The following ELOVL2 variants were observed in gnomAD, a reference collection of about 807,000 sequenced individuals.
The protein encoded by ELOVL2 is very long chain fatty acid elongase 2.
ELOVL2 carries 38 observed loss-of-function variants against 37.7 expected under a neutral mutation model. The ratio of observed to expected loss-of-function variants is 1.01; its 90% CI spans 0.78 to 1.32. ELOVL2 has a LOEUF of 1.32. Among genes scored for constraint, ELOVL2 ranks in the 40% most tolerant of loss-of-function variants. The pLI is 0.00. For missense variants in ELOVL2, 352 were observed against 363.6 expected, an observed-to-expected ratio of 0.97 and a Z score of 0.26; for synonymous variants, 115 against 122.3, an observed-to-expected ratio of 0.94 and a Z score of 0.40.
chr6:10,987,351 A>C (rs1782070500), intron 7 of ELOVL2, among the ~76,000 whole-genome samples: 1 of 151,686 alleles, frequency 6.6e-6, no homozygotes, highest in Non-Finnish European at 1.5e-5. Context: ...TATTTCCTTC[A>C]GTTCTGCTCT....
chr6:10,990,504 C>G, intron 5 of ELOVL2, 62 bp from the exon 6 acceptor site: 1 of 1,474,142 alleles, frequency 6.8e-7, no homozygotes, highest in South Asian at 1.4e-5. Flanking sequence ...TCTTCTTTGT[C>G]AAGTGAGATT....
chr6:11,015,148 G>T (rs1448922950), intron 1 of ELOVL2, among the ~76,000 whole-genome samples: 1 of 152,112 alleles, frequency 6.6e-6, no homozygotes, highest in Non-Finnish European at 1.5e-5. Flanking sequence ...TGAAATTCTA[G>T]AAAATATAAC....
chr6:10,983,992 T>G, intron 7 of ELOVL2, 86 bp from the exon 8 acceptor site: 1 of 1,238,498 alleles, frequency 8.1e-7, no homozygotes, highest in Admixed American at 2.6e-5. Context: ...GTTAAAACAG[T>G]ATGTGATTTT....
Position 10,984,840 on chromosome 6 carries a change from TAGC to T in ELOVL2, c.766-937_766-935del, listed in dbSNP as rs762837974. Among the ~76,000 whole-genome samples the T allele has an allele frequency of 3.9e-5, 6 of 152,292 alleles. No homozygotes were observed. In the East Asian group the frequency reaches 1.2e-3, roughly 29 times the overall value. The stretch of plus-strand genomic sequence containing the variant: ...AAACATACGTGTGCATGTGTCTTTA[TAGC>T]AGCATGATTTATAGTCCTTTGGGTA... On this transcript the variant is annotated intron_variant, in intron 7 of 7. Transcript: ENST00000354666.
intron 2 of ELOVL2, among the ~76,000 whole-genome samples, chr6:11,009,204 G>A (rs187859387): frequency 1.3e-5 from 2 of 152,226 alleles, no homozygotes; most frequent in Admixed American, 6.5e-5. Context: ...AGTAAACAAG[G>A]GTTGAAACAG....
At chr6:11,017,050 T>C (rs895487214) in intron 1 of ELOVL2, among the ~76,000 whole-genome samples, 1 of 152,182 alleles carries the variant, frequency 6.6e-6, no homozygotes, top group African/African-American at 2.4e-5. Flanking sequence ...ATGGGAACTC[T>C]AAATTGTTAT....
At chr6:10,992,561 C>T (rs1041175726) in intron 5 of ELOVL2, among the ~76,000 whole-genome samples, 22 of 152,020 alleles carry the variant, frequency 1.4e-4, no homozygotes, top group African/African-American at 3.6e-4. Flanking sequence ...GAGGCCGAGG[C>T]GGGCGGATCA....
At chr6:11,018,232 T>A (rs922766323) in intron 1 of ELOVL2, among the ~76,000 whole-genome samples, 8 of 152,208 alleles carry the variant, frequency 5.3e-5, no homozygotes, top group Admixed American at 1.3e-4. Flanking sequence ...ATCTTAGTGA[T>A]CTTATTTTTT....
At chr6:11,001,542 T>A (rs937974916) in intron 3 of ELOVL2, among the ~76,000 whole-genome samples, 8 of 152,224 alleles carry the variant, frequency 5.3e-5, no homozygotes, top group Non-Finnish European at 4.4e-5. Flanking sequence ...ATTAAAAACC[T>A]CTATGGTCAG....
intron 3 of ELOVL2, among the ~76,000 whole-genome samples, chr6:11,000,974 A>G (rs1782369304): frequency 6.6e-6 from 1 of 152,234 alleles, no homozygotes; most frequent in Non-Finnish European, 1.5e-5. Context: ...ATGCTATGAA[A>G]GAAGTTTTCT....
chr6:11,007,179 C>T lies in ELOVL2; in HGVS notation c.68-1620G>A, dbSNP rs188203264. 1.2e-3 allele frequency among the ~76,000 whole-genome samples: 190 copies of T among 152,304 alleles called. 1 individual carries two copies. In the Middle Eastern group the frequency reaches 0.02, roughly 16 times the overall value. On this transcript the variant is annotated intron_variant, in intron 2 of 7. Transcript: ENST00000354666. ...GCCTAGAAAAGTGAAATGACTTGCA[C>T]TAAACTGCTACGCTACTTCTTGTTA...
In ELOVL2 at chr6:11,044,249, CGCGGCGACCCGGGCGG is replaced by C; in HGVS notation, c.-35_-20del. 7.5e-7 allele frequency: 1 copy of C among 1,339,872 alleles called. No individual in the cohort carries two copies. 83.0% of individuals were successfully genotyped at this position (1,339,872 alleles called of 1,614,324 possible). A position where few individuals can be genotyped will look rare whatever the true frequency, so the allele number is the denominator to read the frequency against. ...TCACCATGATCCGCAGCGGCTGTGG[CGCGGCGACCCGGGCGG>C]GCGGCGATGCGCTGTCCAGGGTAGC... On this transcript the variant is annotated 5_prime_UTR_variant, in exon 1 of 8. Coordinates refer to ENST00000354666, the MANE Select transcript of ELOVL2 (RefSeq NM_017770.4). The surrounding 1 kb of genome is among the most constrained non-coding windows in gnomAD (Gnocchi z 5.6).
intron 1 of ELOVL2, among the ~76,000 whole-genome samples, chr6:11,018,012 T>C (rs573026510): frequency 6.6e-6 from 1 of 152,256 alleles, no homozygotes; most frequent in Non-Finnish European, 1.5e-5. Context: ...TCAGTGTGTT[T>C]TGAAAGAGCC....
chr6:11,026,106 T>C (rs544606776), intron 1 of ELOVL2, among the ~76,000 whole-genome samples: 1 of 152,222 alleles, frequency 6.6e-6, no homozygotes, highest in Non-Finnish European at 1.5e-5. Flanking sequence ...GAGCCAGTTA[T>C]GACAGCGTGG....
chr6:10,985,041 T>C (rs1782022482), intron 7 of ELOVL2, among the ~76,000 whole-genome samples: 1 of 152,200 alleles, frequency 6.6e-6, no homozygotes. Flanking sequence ...TCCTGACTTT[T>C]TAATGACTGC....
intron 1 of ELOVL2, among the ~76,000 whole-genome samples, chr6:11,038,544 CTT>C (rs1783051114): frequency 6.6e-6 from 1 of 151,800 alleles, no homozygotes; most frequent in Non-Finnish European, 1.5e-5. Context: ...TATATCATAG[CTT>C]TGTTTATATT....
chr6:11,001,101 T>G (rs1255441794), intron 3 of ELOVL2, among the ~76,000 whole-genome samples: 1 of 152,196 alleles, frequency 6.6e-6, no homozygotes, highest in East Asian at 1.9e-4. Flanking sequence ...TGTATAAAAT[T>G]CATACACAAT....
intron 1 of ELOVL2, among the ~76,000 whole-genome samples, chr6:11,012,898 A>T (rs1352297483): frequency 6.6e-6 from 1 of 152,248 alleles, no homozygotes; most frequent in Non-Finnish European, 1.5e-5. Context: ...AATAAATAAA[A>T]AAATTGCAGT....
chr6:11,010,069 G>T (rs1782548200), intron 2 of ELOVL2, among the ~76,000 whole-genome samples: 1 of 149,274 alleles, frequency 6.7e-6, no homozygotes, highest in African/African-American at 2.5e-5. Context: ...TGTTGCCCAG[G>T]ATGGAGTGTA....
Sources: allele counts gnomAD v4.1 joint callset (sites outside exome capture counted in the v4.1 genomes callset), GRCh38; gene constraint gnomAD v4.1.1; non-coding constraint Gnocchi (gnomAD v3.1); transcripts MANE v1.5; gene names NCBI Gene and HGNC (gene_info 2026-07-23, HGNC 2026-07-21).